The following MED6 variants were observed in gnomAD, a reference collection of about 807,000 sequenced individuals.
MED6 encodes the protein mediator complex subunit 6, also known as mediator of RNA polymerase II transcription subunit 6.
MED6 carries 33 observed loss-of-function variants against 37.5 expected under a neutral mutation model. The ratio of observed to expected loss-of-function variants is 0.88; its 90% confidence interval spans 0.67 to 1.18. MED6 has a LOEUF of 1.18. Among genes scored for constraint, MED6 ranks in the 50% most tolerant of loss-of-function variants. MED6 has a pLI of 0.00. For synonymous variants in MED6, 94 were observed against 93.6 expected, an observed-to-expected ratio of 1.00 and a Z score of -0.02; for missense variants, 235 against 290.6, an observed-to-expected ratio of 0.81 and a Z score of 1.39.
rs1884629985 is a variant in MED6 at position 70,584,131 on chromosome 14, C to A, written c.*682G>T. ...TATTTTAATACTGAGGATTATGTAACTGAACAAAAAGAAATATGCTTAGTT... is the reference window on the plus strand; with the variant it reads ...TATTTTAATACTGAGGATTATGTAAATGAACAAAAAGAAATATGCTTAGTT... On this transcript the variant is annotated 3_prime_UTR_variant, in exon 8 of 8. Transcript: ENST00000256379. The A allele has an allele frequency of 1.4e-6, 1 of 739,436 alleles. No individual in the cohort carries two copies. The highest frequency in any genetic ancestry group is 2.4e-6 in the Non-Finnish European group (1 of 409,268). The allele number at this position is 739,436 out of a possible 1,614,324, so 45.8% of individuals were successfully genotyped here. A position where few individuals can be genotyped will look rare whatever the true frequency, so the allele number is the denominator to read the frequency against.
chr14:70,587,995 C>T (rs1276019492), intron 6 of MED6, among the ~76,000 whole-genome samples: 1 of 152,212 alleles, frequency 6.6e-6, no homozygotes, highest in Admixed American at 6.5e-5. Context: ...ACAAGCCCAA[C>T]TGCTCGATAA....
intron 3 of MED6, chr14:70,594,764 G>T: frequency 1.6e-5 from 9 of 551,518 alleles, no homozygotes; most frequent in South Asian, 1.4e-4. Flanking sequence ...GGTTCTAGCA[G>T]GAATGGGAGG....
Position 70,584,796 on chromosome 14 carries a change from T to C in MED6, c.*17A>G, listed in dbSNP as rs1211350829. The stretch of plus-strand genomic sequence containing the variant: ...ACTAGCATGAGGAGTCTTCCAGGCT[T>C]CTCTTTTGTCCAGTACTCACTGAAG... On this transcript the variant is annotated 3_prime_UTR_variant, in exon 8 of 8. Coordinates refer to ENST00000256379, the MANE Select transcript of MED6 (RefSeq NM_005466.4). 1 of 1,608,674 alleles carries C rather than the reference T, an allele frequency of 6.2e-7. No homozygotes were observed. The highest frequency in any genetic ancestry group is 8.5e-7 in the Non-Finnish European group (1 of 1,178,514).
At chr14:70,593,244 G>A in intron 4 of MED6, 52 bp downstream of exon 4, 1 of 1,455,280 alleles carries the variant, frequency 6.9e-7, no homozygotes, top group Non-Finnish European at 9.6e-7. Flanking sequence ...CTGGAAGCAA[G>A]GTAGCTAATT....
chr14:70,600,374 T>C (rs898472019), intron 1 of MED6, among the ~76,000 whole-genome samples: 16 of 150,380 alleles, frequency 1.1e-4, no homozygotes, highest in Admixed American at 8.6e-4. Context: ...CTCTGAAAGC[T>C]CAAAACCCAG....
intron 1 of MED6, 131 bp from the exon 2 acceptor site, chr14:70,597,908 T>C: frequency 1.8e-6 from 1 of 562,894 alleles, no homozygotes; most frequent in Non-Finnish European, 2.8e-6. Flanking sequence ...ACCAACACAC[T>C]CTCATGATGT....
chr14:70,595,666 TCA>T, intron 3 of MED6: 1 of 955,304 alleles, frequency 1.0e-6, no homozygotes, highest in Non-Finnish European at 1.6e-6. Context: ...TAGGCTGAGA[TCA>T]CCACCTACCG....
chr14:70,598,630 G>A (rs1437662464), intron 1 of MED6, among the ~76,000 whole-genome samples: 2 of 152,084 alleles, frequency 1.3e-5, no homozygotes, highest in Non-Finnish European at 1.5e-5. Context: ...ATTCCAAGCA[G>A]AGAGAATGTA....
At chr14:70,598,165 A>G (rs1885100039) in intron 1 of MED6, among the ~76,000 whole-genome samples, 3 of 152,084 alleles carry the variant, frequency 2.0e-5, no homozygotes, top group Admixed American at 2.0e-4. Flanking sequence ...GTGTTTGTGC[A>G]TGCCCATAAT....
chr14:70,592,882 T>C lies in MED6; in HGVS notation c.464A>G (p.Gln155Arg), dbSNP rs748358023. ...YWWHFKDHEEQDKVRPKAKRK... is the reference protein window; with the variant it reads ...YWWHFKDHEERDKVRPKAKRK... ...GAGGGTATGGATGTTCTACTTACCT[T>C]GCTCTTCATGATCTTTGAAGTGCCA... is the stretch of plus-strand genomic sequence containing the variant. Residue 155 changes from glutamine (Q) to arginine (R), a missense_variant and splice_region_variant, in exon 5 of 8, where the codon CAA becomes CGA. Gln to Arg is a conservative substitution (Grantham distance 43). Transcript: ENST00000256379. The C allele has an allele frequency of 3.1e-6, 5 of 1,613,762 alleles. No individual in the cohort carries two copies. Among genetic ancestry groups the C allele is most frequent in the Non-Finnish European group, 4.2e-6 (5 of 1,179,794 alleles).
At chr14:70,596,978 A>G (rs756618659) in intron 2 of MED6, among the ~76,000 whole-genome samples, 1 of 152,238 alleles carries the variant, frequency 6.6e-6, no homozygotes, top group African/African-American at 2.4e-5. Flanking sequence ...AGTACACCAA[A>G]GAGTGTCCGT....
intron 6 of MED6, among the ~76,000 whole-genome samples, 193 bp downstream of exon 6, chr14:70,591,071 AGT>A (rs1249721545): frequency 2.6e-5 from 4 of 152,240 alleles, no homozygotes; most frequent in Non-Finnish European, 1.5e-5. Context: ...AACACAAAAC[AGT>A]GTTAATTCCA....
chr14:70,588,309 A>G (rs557712210), intron 6 of MED6, among the ~76,000 whole-genome samples: 3 of 152,284 alleles, frequency 2.0e-5, no homozygotes, highest in South Asian at 4.1e-4. Flanking sequence ...ATATGATGAT[A>G]TAAGTATGAA....
intron 5 of MED6, 41 bp downstream of exon 5, chr14:70,592,839 G>A (rs758595472): frequency 1.6e-5 from 25 of 1,601,834 alleles, no homozygotes; most frequent in Non-Finnish European, 2.1e-5. Context: ...ATTCTCAGAG[G>A]ATCAAAAAGT....
chr14:70,592,538 A>G (rs1137491), intron 5 of MED6: 41,064 of 134,926 alleles, frequency 0.3, 8,853 homozygotes, highest in African/African-American at 0.61. Flanking sequence ...ATGTTGCCCA[A>G]GCTGATCTTG....
chr14:70,594,535 T>C, intron 3 of MED6: 1 of 370,064 alleles, frequency 2.7e-6, no homozygotes, highest in Non-Finnish European at 5.3e-6. Context: ...GTCCTCTCAC[T>C]CTCCTCCCCA....
intron 3 of MED6, chr14:70,594,836 C>G: frequency 1.6e-6 from 1 of 642,026 alleles, no homozygotes. Context: ...TGCCTGACCT[C>G]CTACCTGGAC....
chr14:70,595,327 G>A, intron 3 of MED6: 1 of 552,272 alleles, frequency 1.8e-6, no homozygotes, highest in Non-Finnish European at 3.5e-6. Context: ...CAGAAGAACT[G>A]AGAGGAGCTA....
intron 1 of MED6, among the ~76,000 whole-genome samples, chr14:70,599,785 C>G (rs1366786161): frequency 1.3e-5 from 2 of 151,810 alleles, no homozygotes; most frequent in Admixed American, 1.3e-4. Flanking sequence ...AGCATTCTAA[C>G]AGCATTCTAA....
Sources: gnomAD v4.1 joint callset for allele counts (sites outside exome capture counted in the v4.1 genomes callset) on GRCh38, gnomAD v4.1.1 for gene constraint, MANE v1.5 for transcripts, NCBI Gene and HGNC (gene_info 2026-07-23, HGNC 2026-07-21) for gene names.